The following TIPARP variants were observed in gnomAD, a reference collection of about 807,000 sequenced individuals.
TIPARP encodes the protein protein mono-ADP-ribosyltransferase TIPARP.
TIPARP carries 12 observed loss-of-function variants against 56.5 expected under a neutral mutation model. The observed-to-expected ratio is 0.21, with a 90% CI of 0.14 to 0.34. The LOEUF (loss-of-function observed/expected upper bound fraction) is 0.34, where lower values mean the gene tolerates loss of function less well. Among genes scored for constraint, TIPARP ranks in the 10% least tolerant of loss-of-function variants. The pLI is 1.00. For synonymous variants in TIPARP, 296 were observed against 265.7 expected, an observed-to-expected ratio of 1.11 and a Z score of -1.11; for missense variants, 604 against 781.6, an observed-to-expected ratio of 0.77 and a Z score of 2.71.
At chr3:156,688,597 C>T (rs1293447293) in intron 2 of TIPARP, among the ~76,000 whole-genome samples, 1 of 151,400 alleles carries the variant, frequency 6.6e-6, no homozygotes, top group Non-Finnish European at 1.5e-5. Flanking sequence ...GTTACGAATA[C>T]ATAGTTTTCT....
chr3:156,695,283 A>G (rs1382853319), intron 3 of TIPARP, among the ~76,000 whole-genome samples: 1 of 151,976 alleles, frequency 6.6e-6, no homozygotes, highest in Non-Finnish European at 1.5e-5. Flanking sequence ...GCACAATCAT[A>G]GCTCACTATA....
At chr3:156,703,403 G>A (rs1722899708) in intron 4 of TIPARP, 21 bp from the exon 5 acceptor site, 1 of 1,611,110 alleles carries the variant, frequency 6.2e-7, no homozygotes, top group Non-Finnish European at 8.5e-7. Flanking sequence ...TTACATTGAT[G>A]TTTCTTCCTC....
rs1722983344 is a variant in TIPARP at position 156,706,415 on chromosome 3, G to T, written c.*1284G>T. Reference sequence around the variant, plus strand: ...TATATCATTTACACAAAACTTTTCAGGAACTTCTGTGTTGTTTAAGCAAGA... The same window carrying T: ...TATATCATTTACACAAAACTTTTCATGAACTTCTGTGTTGTTTAAGCAAGA... On this transcript the variant is annotated 3_prime_UTR_variant, in exon 6 of 6. Transcript: ENST00000295924. The T allele has an allele frequency of 6.6e-6, 1 of 152,626 alleles. No individual in the cohort carries two copies. Among genetic ancestry groups the T allele is most frequent in the Non-Finnish European group, 1.5e-5 (1 of 68,032 alleles). 9.5% of individuals were successfully genotyped at this position (152,626 alleles called of 1,614,324 possible).
chr3:156,698,134 T>G (rs531844423), intron 4 of TIPARP, among the ~76,000 whole-genome samples: 1 of 152,330 alleles, frequency 6.6e-6, no homozygotes, highest in African/African-American at 2.4e-5. Flanking sequence ...TTTTTTCAGT[T>G]CTTTCAAGGC....
In TIPARP at chr3:156,703,760, TC is replaced by T. The variant is rs1206311122; in HGVS notation, c.1526+61del. 5.3e-5 allele frequency: 82 copies of T among 1,538,256 alleles called. No individual in the cohort carries two copies. In the Middle Eastern group the frequency reaches 1.2e-3, roughly 23 times the overall value. ...CGGGCGCAGTGGCTCAAGCCTGTAA[TC>T]CCAGCACTTTGGGAGGCCGAGGCGG... On this transcript the variant is annotated intron_variant, in intron 5 of 5. Transcript: ENST00000295924.
intron 2 of TIPARP, among the ~76,000 whole-genome samples, chr3:156,689,645 A>G (rs562038209): frequency 3.3e-5 from 5 of 152,310 alleles, no homozygotes; most frequent in Admixed American, 6.5e-5. Context: ...AAAGCTCTTC[A>G]TTATCTGGCC....
At chr3:156,695,471 T>C (rs1191799746) in intron 3 of TIPARP, among the ~76,000 whole-genome samples, 1 of 152,062 alleles carries the variant, frequency 6.6e-6, no homozygotes, top group East Asian at 1.9e-4. Flanking sequence ...CTCCTTTCTC[T>C]GCCTCCCAAA....
chr3:156,677,572 G>A (rs1197304646), intron 1 of TIPARP, 85 bp from the exon 2 acceptor site: 8 of 924,230 alleles, frequency 8.7e-6, no homozygotes, highest in Non-Finnish European at 1.1e-5. Context: ...GAATCAGTCA[G>A]GACAAAAACA....
intron 2 of TIPARP, among the ~76,000 whole-genome samples, chr3:156,684,022 G>A (rs1264916148): frequency 6.6e-6 from 1 of 152,184 alleles, no homozygotes; most frequent in East Asian, 1.9e-4. Flanking sequence ...TCTCCAATTT[G>A]TGAGTTGCAA....
chr3:156,695,842 T>TTTGTTTTTTTTTTTCC, intron 3 of TIPARP, 23 bp from the exon 4 acceptor site: 1 of 1,396,938 alleles, frequency 7.2e-7, no homozygotes, highest in Non-Finnish European at 9.3e-7. Flanking sequence ...TTTTTTTTTT[T>TTTGTTTTTTTTTTTCC]TGTTCTGTTT....
chr3:156,702,083 G>T (rs1206649855), intron 4 of TIPARP, among the ~76,000 whole-genome samples: 1 of 150,880 alleles, frequency 6.6e-6, no homozygotes, highest in East Asian at 1.9e-4. Flanking sequence ...TTGTGGTGGT[G>T]GTGGTGGTGG....
intron 2 of TIPARP, among the ~76,000 whole-genome samples, chr3:156,691,479 A>G (rs1722572869): frequency 6.6e-6 from 1 of 152,154 alleles, no homozygotes; most frequent in African/African-American, 2.4e-5. Context: ...GAAGACAGGG[A>G]CTACATCTGT....
chr3:156,706,767 A>G lies in TIPARP; in HGVS notation c.*1636A>G, dbSNP rs1722993552. 1 of 152,468 alleles carries G rather than the reference A, an allele frequency of 6.6e-6. No homozygotes were observed. Among genetic ancestry groups the G allele is most frequent in the African/African-American group, 2.4e-5 (1 of 41,418 alleles). The allele number at this position is 152,468 out of a possible 1,614,324, so 9.4% of individuals were successfully genotyped here. ...AAAATAAAACTTATGGTAATTCTTT[A>G]AAATTTGTTGTTGTTTTGGTTCCAT... On this transcript the variant is annotated 3_prime_UTR_variant, in exon 6 of 6. Transcript: ENST00000295924.
intron 5 of TIPARP, 128 bp downstream of exon 5, chr3:156,703,830 G>A (rs1352979933): frequency 7.3e-6 from 7 of 958,286 alleles, no homozygotes; most frequent in Admixed American, 2.9e-5. Flanking sequence ...TAGCTAACAC[G>A]GTGAAACCCC....
At chr3:156,684,533 A>G (rs1384592990) in intron 2 of TIPARP, among the ~76,000 whole-genome samples, 2 of 152,146 alleles carry the variant, frequency 1.3e-5, no homozygotes, top group Admixed American at 6.5e-5. Flanking sequence ...CCTGGGTTCA[A>G]GCAATTCTCC....
chr3:156,684,782 A>G (rs943121668), intron 2 of TIPARP, among the ~76,000 whole-genome samples: 1 of 152,182 alleles, frequency 6.6e-6, no homozygotes, highest in South Asian at 2.1e-4. Flanking sequence ...TTTTATATTT[A>G]TAGATTGTTT....
At chr3:156,684,886 C>G (rs1722394182) in intron 2 of TIPARP, among the ~76,000 whole-genome samples, 1 of 152,200 alleles carries the variant, frequency 6.6e-6, no homozygotes, top group South Asian at 2.1e-4. Flanking sequence ...TAATCCACCT[C>G]AATCCCTGAC....
At position 156,705,878 on chromosome 3, in the gene TIPARP, C is replaced by G. The variant is rs1722967962; in HGVS notation, c.*747C>G. ...CAGCTTTGGAAAACTCAGTCTCTTT[C>G]ATTATCATCCATTCCAATTTGAAGG... On this transcript the variant is annotated 3_prime_UTR_variant, in exon 6 of 6. Transcript: ENST00000295924. 1 of 152,648 alleles carries G rather than the reference C, an allele frequency of 6.6e-6. No individual in the cohort carries two copies. The highest frequency in any genetic ancestry group is 6.5e-5 in the Admixed American group (1 of 15,286). The allele number at this position is 152,648 out of a possible 1,614,324, so 9.5% of individuals were successfully genotyped here.
In TIPARP at chr3:156,677,713, A is replaced by G. The variant is rs1401304502; in HGVS notation, c.16A>G (p.Thr6Ala). ...AATCCACATTATGGAAATGGAAACC[A>G]CCGAACCTGAGCCAGACTGTGTAGT... Reference protein sequence around the residue: MEMETTEPEPDCVVQP... With the variant: MEMETAEPEPDCVVQP... Residue 6 changes from threonine (T) to alanine (A), a missense_variant, in exon 2 of 6, where the codon ACC (threonine) becomes GCC (alanine). Thr to Ala is a moderately conservative substitution (Grantham distance 58). This residue lies in a region of TIPARP where 261 missense variants were observed against 279.2 expected (regional missense o/e 0.93). Transcript: ENST00000295924. The G allele has an allele frequency of 1.9e-6, 3 of 1,588,416 alleles. No homozygotes were observed. Among genetic ancestry groups the G allele is most frequent in the African/African-American group, 1.4e-5 (1 of 73,434 alleles).
Sources: allele counts gnomAD v4.1 joint callset (sites outside exome capture counted in the v4.1 genomes callset), GRCh38; gene constraint gnomAD v4.1.1; regional missense constraint gnomAD v4.1.1; transcripts MANE v1.5; gene names NCBI Gene and HGNC (gene_info 2026-07-23, HGNC 2026-07-21).